The following PCDH11X variants were observed in gnomAD, a reference collection of about 807,000 sequenced individuals.
PCDH11X encodes the protein protocadherin 11 X-linked.
A neutral mutation model predicts 53.3 loss-of-function variants in PCDH11X; 18 were observed. The observed-to-expected ratio is 0.34, with a 90% CI of 0.23 to 0.50. The LOEUF (loss-of-function observed/expected upper bound fraction) is 0.50. PCDH11X is among the 20% of genes least tolerant of loss of function. PCDH11X has a pLI of 0.98. For synonymous variants in PCDH11X, 279 were observed against 393.3 expected (o/e 0.71, Z 3.44); for missense variants, 570 against 1,032.4 (o/e 0.55, Z 6.14).
At chrX:92,576,515 G>T (rs1397540987) in intron 10 of PCDH11X, among the ~76,000 whole-genome samples, 1 of 94,785 alleles carries the variant, frequency 1.1e-5, no homozygotes, top group Non-Finnish European at 2.1e-5. Flanking sequence ...TTTATTGAAG[G>T]TGATTTTCTC....
intron 6 of PCDH11X, among the ~76,000 whole-genome samples, chrX:92,132,285 CAAAAAAAAAAAAAAAAAAAAAA>C (rs778221916): frequency 2.3e-4 from 2 of 8,848 alleles, no homozygotes; most frequent in South Asian, 0.028. Flanking sequence ...ACCTCTGTCT[CAAAAAAAAAAAAAAAAAAAAAA>C]AAAAAAAAAA....
At chrX:92,108,995 T>G (rs1448542394) in intron 6 of PCDH11X, among the ~76,000 whole-genome samples, 2 of 111,676 alleles carry the variant, frequency 1.8e-5, no homozygotes, top group Admixed American at 1.9e-4. Flanking sequence ...AAAGAGTAAT[T>G]CACTCAGAGC....
At chrX:92,429,766 A>G (rs1286574538) in intron 9 of PCDH11X, among the ~76,000 whole-genome samples, 2 of 99,495 alleles carry the variant, frequency 2.0e-5, no homozygotes, top group African/African-American at 7.2e-5. Flanking sequence ...CTGCCTAGTG[A>G]GCCTCACTGA....
chrX:92,313,968 G>A (rs912449465), intron 8 of PCDH11X, among the ~76,000 whole-genome samples: 7 of 111,201 alleles, frequency 6.3e-5, no homozygotes, highest in Non-Finnish European at 1.1e-4. Context: ...GGACACTACT[G>A]TACACTACTG....
chrX:92,605,381 T>A (rs1051081633), intron 10 of PCDH11X, among the ~76,000 whole-genome samples: 1 of 111,538 alleles, frequency 9.0e-6, no homozygotes, highest in African/African-American at 3.3e-5. Flanking sequence ...TCAATGCTTT[T>A]CCCACAAGAT....
At chrX:91,975,015 G>T (rs1044046793) in intron 6 of PCDH11X, among the ~76,000 whole-genome samples, 1 of 111,132 alleles carries the variant, frequency 9.0e-6, no homozygotes, top group African/African-American at 3.3e-5. Flanking sequence ...GCCGCCCAAA[G>T]TGCTGGAATT....
chrX:92,080,640 C>T (rs1021169854), intron 6 of PCDH11X, among the ~76,000 whole-genome samples: 8 of 107,262 alleles, frequency 7.5e-5, no homozygotes, highest in Admixed American at 4.1e-4. Context: ...TTTTTGGCTT[C>T]GGGACTGAAA....
Position 92,510,366 on chromosome X carries a change from A to G in PCDH11X, c.3367+42044A>G, listed in dbSNP as rs771870344. On this transcript the variant is annotated intron_variant, in intron 10 of 10. Coordinates refer to ENST00000682573, the MANE Select transcript of PCDH11X (RefSeq NM_032968.5). Reference sequence around the variant, plus strand: ...CTTTAGCTGTGTCAACATGATTAAAAAAGTTAAATAAAAGAGAGGCAATCT... The same window carrying G: ...CTTTAGCTGTGTCAACATGATTAAAGAAGTTAAATAAAAGAGAGGCAATCT... Among the ~76,000 whole-genome samples the G allele has an allele frequency of 1.9e-3, 194 of 104,722 alleles. 1 individual carries two copies. Among genetic ancestry groups the G allele is most frequent in the Middle Eastern group, 9.6e-3 (2 of 208 alleles). The allele number at this position is 104,722 out of a possible 115,157, so 90.9% of individuals were successfully genotyped here. A position where few individuals can be genotyped will look rare whatever the true frequency, so the allele number is the denominator to read the frequency against.
At chrX:91,909,548 AAAG>A (rs1454080508) in intron 6 of PCDH11X, among the ~76,000 whole-genome samples, 3 of 109,918 alleles carry the variant, frequency 2.7e-5, no homozygotes, top group African/African-American at 9.9e-5. Flanking sequence ...TGTTATAACA[AAAG>A]AAGGTGTAGG....
At chrX:92,063,575 T>G (rs1392574653) in intron 6 of PCDH11X, among the ~76,000 whole-genome samples, 1 of 111,776 alleles carries the variant, frequency 8.9e-6, no homozygotes, top group Admixed American at 9.5e-5. Context: ...ATCAGCCTGG[T>G]TAAGAACCAT....
At chrX:92,610,574 G>T (rs992087602) in intron 10 of PCDH11X, among the ~76,000 whole-genome samples, 4 of 109,788 alleles carry the variant, frequency 3.6e-5, no homozygotes, top group African/African-American at 9.9e-5. Context: ...AGCTTATTTT[G>T]CTTTGCAGAA....
At chrX:92,184,395 G>T (rs1310134081) in intron 6 of PCDH11X, among the ~76,000 whole-genome samples, 8 of 111,904 alleles carry the variant, frequency 7.1e-5, no homozygotes, top group Non-Finnish European at 1.9e-5. Context: ...TTGTTAAAAT[G>T]ACCATACTAC....
At chrX:91,838,493 G>T (rs397833599) in intron 5 of PCDH11X, among the ~76,000 whole-genome samples, 1 of 111,577 alleles carries the variant, frequency 9.0e-6, no homozygotes, top group Non-Finnish European at 1.9e-5. Context: ...GGCATGCAGA[G>T]GGCCATGACA....
chrX:91,964,021 C>T (rs2061829625), intron 6 of PCDH11X, among the ~76,000 whole-genome samples: 1 of 109,900 alleles, frequency 9.1e-6, no homozygotes, highest in South Asian at 4.0e-4. Flanking sequence ...ATGGGAACTA[C>T]AATTCAAGAT....
chrX:92,589,822 T>A (rs1040292926), intron 10 of PCDH11X, among the ~76,000 whole-genome samples: 3 of 110,575 alleles, frequency 2.7e-5, no homozygotes, highest in Admixed American at 9.7e-5. Flanking sequence ...TGATAATAGG[T>A]CTTACCCAAA....
At chrX:92,448,293 C>A (rs1333217263) in intron 9 of PCDH11X, among the ~76,000 whole-genome samples, 1 of 107,182 alleles carries the variant, frequency 9.3e-6, no homozygotes, top group African/African-American at 3.4e-5. Context: ...TGTGTCTCCA[C>A]CCAAATCTCA....
rs1179521506 is a variant in PCDH11X, at chrX:91,817,778, T to C, written c.-45+6483T>C. Among the ~76,000 whole-genome samples, 3 of 111,613 alleles carry C rather than the reference T, an allele frequency of 2.7e-5. No homozygotes were observed. In the East Asian group the frequency reaches 8.4e-4, roughly 31 times the overall value. On this transcript the variant is annotated intron_variant, in intron 4 of 10. Transcript: ENST00000682573. ...TTGTATGGAAAAGAGAGTTCTTTTT[T>C]CAAGGCATAATCAATCACCTTCGTT...
chrX:92,135,500 A>G (rs1384943286), intron 6 of PCDH11X, among the ~76,000 whole-genome samples: 2 of 110,699 alleles, frequency 1.8e-5, no homozygotes, highest in East Asian at 5.7e-4. Flanking sequence ...TTTTTTGGTG[A>G]GAGGAAGGAA....
intron 5 of PCDH11X, among the ~76,000 whole-genome samples, chrX:91,840,544 G>C (rs916497588): frequency 1.8e-5 from 2 of 111,529 alleles, no homozygotes; most frequent in African/African-American, 6.5e-5. Context: ...CATTGATCAA[G>C]AGCTGGACTG....
Sources: allele counts gnomAD v4.1 joint callset (sites outside exome capture counted in the v4.1 genomes callset), GRCh38; gene constraint gnomAD v4.1.1; transcripts MANE v1.5; gene names NCBI Gene and HGNC (gene_info 2026-07-23, HGNC 2026-07-21).